Variants in DNAH17 observed in about 807,000 individuals in gnomAD.
DNAH17 encodes the protein dynein axonemal heavy chain 17, also known as axonemal beta dynein heavy chain 17.
A neutral mutation model predicts 485.6 loss-of-function variants in DNAH17; 376 were observed. The ratio of observed to expected loss-of-function variants is 0.77; its 90% CI spans 0.71 to 0.84. DNAH17 has a LOEUF of 0.84. DNAH17 is among the 40% of genes least tolerant of loss of function. The pLI is 0.00. For missense variants in DNAH17, 6,370 were observed against 5,839.3 expected (o/e 1.09, Z -2.96); for synonymous variants, 3,031 against 2,405.9 (o/e 1.26, Z -7.60).
At chr17:78,568,409 C>T (rs1024320813) in intron 9 of DNAH17, among the ~76,000 whole-genome samples, 4 of 152,158 alleles carry the variant, frequency 2.6e-5, no homozygotes, top group African/African-American at 9.7e-5. Context: ...ACCCTTAAGT[C>T]AATGCTTTAC....
intron 63 of DNAH17, among the ~76,000 whole-genome samples, chr17:78,455,145 G>A (rs879651301): frequency 6.0e-4 from 91 of 151,776 alleles, no homozygotes; most frequent in Admixed American, 1.9e-3. Context: ...CCTGACCTCA[G>A]GTGATCTGCC....
rs545802986 is a variant in DNAH17, at chr17:78,571,734, G to A, written c.588C>T (p.Thr196=). The change falls in exon 4 of 81, where the codon ACC becomes ACT. Residue 196 remains threonine, a synonymous_variant. Coordinates refer to ENST00000389840, the MANE Select transcript of DNAH17 (RefSeq NM_173628.4). ...DNLLLHAIET[T]IIDWSHQIRD... ...GGATCTGGTGGGACCAGTCGATGAT[G>A]GTGGTTTCAATGGCGTGCAGGAGCA... 6.2e-7 allele frequency: 1 copy of A among 1,611,618 alleles called. No individual in the cohort carries two copies. Among genetic ancestry groups the A allele is most frequent in the African/African-American group, 1.3e-5 (1 of 74,890 alleles).
At chr17:78,457,119 C>A (rs2087840424) in intron 62 of DNAH17, among the ~76,000 whole-genome samples, 1 of 152,226 alleles carries the variant, frequency 6.6e-6, no homozygotes, top group Non-Finnish European at 1.5e-5. Context: ...GCCTGTAATC[C>A]CAGCACTTTG....
intron 13 of DNAH17, among the ~76,000 whole-genome samples, chr17:78,559,746 C>T (rs955943797): frequency 6.6e-6 from 1 of 152,212 alleles, no homozygotes; most frequent in Non-Finnish European, 1.5e-5. Flanking sequence ...CTCCAAGTCC[C>T]TCTGTGGTCC....
At chr17:78,488,456 C>T (rs545158629) in intron 44 of DNAH17, among the ~76,000 whole-genome samples, 2 of 152,184 alleles carry the variant, frequency 1.3e-5, no homozygotes, top group East Asian at 1.9e-4. Context: ...CCTTGGCCCA[C>T]GCTGCCTTCG....
rs1568032396 is a variant in DNAH17, at chr17:78,425,544, CAA to C, written c.12941_12942del (p.Phe4314CysfsTer79). 1.9e-6 allele frequency: 3 copies of C among 1,612,448 alleles called. No individual in the cohort carries two copies. The highest frequency in any genetic ancestry group is 1.7e-5 in the Admixed American group (1 of 59,924). On this transcript the variant is annotated frameshift_variant, in exon 80 of 81. Transcript: ENST00000389840. LOFTEE classifies it high-confidence loss of function. ...IRELEAWTTD[F>X]ALPTTVWLAG... is the part of the protein sequence containing the mutation. ...GCCAGCCACACGGTGGTGGGCAGGG[CAA>C]AGTCTGTCGTCCAGGCCTCGAGTTC...
chr17:78,457,656 G>T (rs2087871565), intron 62 of DNAH17, among the ~76,000 whole-genome samples: 1 of 121,082 alleles, frequency 8.3e-6, no homozygotes, highest in Non-Finnish European at 1.6e-5. Flanking sequence ...GCCGTGCCTG[G>T]CTTTTTTTTT....
intron 18 of DNAH17, 25 bp from the exon 19 acceptor site, chr17:78,537,506 T>C (rs559141908): frequency 5.6e-6 from 9 of 1,610,806 alleles, no homozygotes; most frequent in South Asian, 2.2e-5. Context: ...GGGTTGGCAG[T>C]GGTCAACACC....
intron 71 of DNAH17, among the ~76,000 whole-genome samples, chr17:78,443,993 C>T (rs1367486669): frequency 6.6e-6 from 1 of 152,236 alleles, no homozygotes; most frequent in Admixed American, 6.5e-5. Context: ...TCACCTCCTT[C>T]CTTCAACAGC....
chr17:78,433,044 G>A (rs1002428706), intron 75 of DNAH17, among the ~76,000 whole-genome samples: 2 of 152,146 alleles, frequency 1.3e-5, no homozygotes, highest in East Asian at 1.9e-4. Context: ...CCCCCTCCCA[G>A]TCTGTAAGAG....
chr17:78,485,760 G>GGGGCAGGGGA lies in DNAH17; in HGVS notation c.7276-13_7276-4dup. 2 of 1,608,598 alleles carry GGGGCAGGGGA rather than the reference G, an allele frequency of 1.2e-6. No homozygotes were observed. Among genetic ancestry groups the GGGGCAGGGGA allele is most frequent in the Non-Finnish European group, 1.7e-6 (2 of 1,179,448 alleles). On this transcript the variant is annotated splice_region_variant and splice_polypyrimidine_tract_variant and intron_variant, in intron 46 of 80. Coordinates refer to ENST00000389840, the MANE Select transcript of DNAH17 (RefSeq NM_173628.4). ...TCCGTGGTGTGGACCAAAGAGGCCT[G>GGGGCAGGGGA]GGGCAGGGGAGGGAAGGGGAGGGAG...
At chr17:78,549,762 G>A (rs1011132088) in intron 16 of DNAH17, among the ~76,000 whole-genome samples, 17 of 152,162 alleles carry the variant, frequency 1.1e-4, no homozygotes, top group Admixed American at 1.3e-4. Context: ...AATCTCTGCA[G>A]GATCTGCCTC....
In DNAH17 at chr17:78,550,854, G is replaced by A. The variant is rs77840704; in HGVS notation, c.2391+681C>T. On this transcript the variant is annotated intron_variant, in intron 16 of 80. Transcript: ENST00000389840. Reference sequence around the variant, plus strand: ...CAAAAGAAAGATATTTTGGACAAGGGAGGACTCAAAGTATGCTATCAATGA... The same window carrying A: ...CAAAAGAAAGATATTTTGGACAAGGAAGGACTCAAAGTATGCTATCAATGA... Among the ~76,000 whole-genome samples the A allele has an allele frequency of 3.0e-4, 46 of 152,310 alleles. No individual in the cohort carries two copies. In the East Asian group the frequency reaches 5.4e-3, roughly 18 times the overall value.
intron 60 of DNAH17, 90 bp downstream of exon 60, chr17:78,459,694 G>C (rs1168400918): frequency 7.0e-7 from 1 of 1,434,824 alleles, no homozygotes; most frequent in Non-Finnish European, 9.7e-7. Flanking sequence ...GGCCCCAAGA[G>C]CCTGAGGCCA....
chr17:78,567,767 G>C (rs117083677), intron 9 of DNAH17, among the ~76,000 whole-genome samples: 3 of 152,102 alleles, frequency 2.0e-5, no homozygotes, highest in Non-Finnish European at 4.4e-5. Context: ...CCAGGGGCCC[G>C]GTCTCCCATC....
intron 74 of DNAH17, among the ~76,000 whole-genome samples, chr17:78,435,961 T>C (rs1396810498): frequency 1.3e-5 from 2 of 152,244 alleles, no homozygotes; most frequent in African/African-American, 2.4e-5. Context: ...GCTTTTTCTT[T>C]TACTTTCACA....
chr17:78,486,198 G>A, intron 45 of DNAH17, 26 bp downstream of exon 45: 2 of 1,588,592 alleles, frequency 1.3e-6, no homozygotes, highest in South Asian at 1.2e-5. Context: ...CCCTGTGTGG[G>A]TGGCCGGGCC....
At chr17:78,574,632 A>G (rs1198213970) in intron 2 of DNAH17, 81 bp downstream of exon 2, 3 of 1,266,858 alleles carry the variant, frequency 2.4e-6, no homozygotes, top group Non-Finnish European at 3.3e-6. Context: ...CAGGGACTCC[A>G]GGCTGAGCAG....
intron 16 of DNAH17, among the ~76,000 whole-genome samples, chr17:78,545,078 TACA>T (rs2091722530): frequency 1.5e-5 from 2 of 134,060 alleles, no homozygotes; most frequent in African/African-American, 5.8e-5. Context: ...TTACGGACTC[TACA>T]TCATCAATTC....
Sources: allele counts gnomAD v4.1 joint callset (sites outside exome capture counted in the v4.1 genomes callset), GRCh38; gene constraint gnomAD v4.1.1; transcripts MANE v1.5; gene names NCBI Gene and HGNC (gene_info 2026-07-23, HGNC 2026-07-21).